ABCC8: variants seen among roughly 807,000 people sequenced by gnomAD.
ABCC8 encodes ATP binding cassette subfamily C member 8, also known as ATP-binding cassette sub-family C member 8.
ABCC8 carries 137 observed loss-of-function variants against 188.0 expected under a neutral mutation model. The ratio of observed to expected loss-of-function variants is 0.73; its 90% CI spans 0.63 to 0.84. The LOEUF (loss-of-function observed/expected upper bound fraction) is 0.84. ABCC8 is among the 40% of genes least tolerant of loss of function. The probability of loss-of-function intolerance (pLI) is 0.00; values close to 1 mark genes in which losing one functional copy is unlikely to be tolerated. For synonymous variants in ABCC8, 797 were observed against 846.5 expected (o/e 0.94, Z 1.01); for missense variants, 1,750 against 2,072.7 (o/e 0.84, Z 3.02).
intron 6 of ABCC8, among the ~76,000 whole-genome samples, chr11:17,455,138 AG>A (rs924905619): frequency 2.0e-5 from 3 of 152,254 alleles, no homozygotes; most frequent in African/African-American, 7.2e-5. Context: ...TTTTGGGGTC[AG>A]AGCAGAAGGA....
chr11:17,451,321 C>T (rs942788571), intron 7 of ABCC8, among the ~76,000 whole-genome samples: 3 of 152,160 alleles, frequency 2.0e-5, no homozygotes, highest in African/African-American at 7.2e-5. Context: ...CAGCTCTGGG[C>T]CCCCATGAGT....
intron 8 of ABCC8, among the ~76,000 whole-genome samples, chr11:17,447,786 C>T (rs1956595550): frequency 1.3e-5 from 2 of 152,162 alleles, no homozygotes; most frequent in Non-Finnish European, 2.9e-5. Flanking sequence ...CAGACAGGGT[C>T]TCACTTTGTT....
intron 3 of ABCC8, among the ~76,000 whole-genome samples, chr11:17,465,030 G>A (rs1201162491): frequency 1.3e-5 from 2 of 152,176 alleles, no homozygotes; most frequent in East Asian, 1.9e-4. Flanking sequence ...CCCACCATGC[G>A]CCCAGGGCTG....
At chr11:17,396,509 T>TGGGCCA (rs1263826562) in intron 33 of ABCC8, 1 of 300,330 alleles carries the variant, frequency 3.3e-6, no homozygotes, top group Non-Finnish European at 6.4e-6. Context: ...AGAGGAGAGC[T>TGGGCCA]GGGCCAGGGC....
chr11:17,465,215 C>T (rs1445146642), intron 3 of ABCC8, among the ~76,000 whole-genome samples: 1 of 152,226 alleles, frequency 6.6e-6, no homozygotes, highest in Non-Finnish European at 1.5e-5. Flanking sequence ...GTCCCCCTGC[C>T]TCCACTCCAC....
chr11:17,476,705 G>T lies in ABCC8; in HGVS notation c.72C>A (p.Asn24Lys), dbSNP rs771075821. 2 of 1,611,566 alleles carry T rather than the reference G, an allele frequency of 1.2e-6. No homozygotes were observed. The highest frequency in any genetic ancestry group is 1.7e-5 in the Admixed American group (1 of 59,836). Reference sequence around the variant, plus strand: ...CGTTGAGCGCGTCCACAAAGCAGCCGTTGTTGAGGACCCCCTGGTCCACCC... The same window carrying T: ...CGTTGAGCGCGTCCACAAAGCAGCCTTTGTTGAGGACCCCCTGGTCCACCC... ...AYRVDQGVLN[N>K]GCFVDALNVV... The change falls in exon 1 of 39, where the codon AAC becomes AAA. Residue 24 changes from asparagine (N) to lysine (K), a missense_variant. Asn to Lys is a moderately conservative substitution (Grantham distance 94). Coordinates refer to ENST00000389817, the MANE Select transcript of ABCC8 (RefSeq NM_000352.6).
chr11:17,456,997 TTA>T (rs1416234334), intron 6 of ABCC8, among the ~76,000 whole-genome samples: 1 of 152,110 alleles, frequency 6.6e-6, no homozygotes, highest in Non-Finnish European at 1.5e-5. Flanking sequence ...TGATAGGATG[TTA>T]TGTGAGCACA....
rs1019860709 is a variant in ABCC8 at position 17,461,917 on chromosome 11, C to T, written c.580-92G>A. 1.4e-5 allele frequency: 22 copies of T among 1,578,252 alleles called. No individual in the cohort carries two copies. In the African/African-American group the frequency reaches 2.6e-4, roughly 18 times the overall value. ...GCAAGGATCTGGGGTTGTGATATTCCACACTTGATCTCTAACAGATGGGGC... is the reference window on the plus strand; with the variant it reads ...GCAAGGATCTGGGGTTGTGATATTCTACACTTGATCTCTAACAGATGGGGC... On this transcript the variant is annotated intron_variant, in intron 4 of 38. Coordinates refer to ENST00000389817, the MANE Select transcript of ABCC8 (RefSeq NM_000352.6).
chr11:17,428,775 T>C, intron 12 of ABCC8, 105 bp from the exon 13 acceptor site: 1 of 1,550,912 alleles, frequency 6.4e-7, no homozygotes, highest in Non-Finnish European at 8.7e-7. Context: ...AGGCCTGAAG[T>C]ATAGTCCCAC....
intron 20 of ABCC8, chr11:17,413,078 C>G (rs1207810622): frequency 8.3e-6 from 5 of 600,352 alleles, no homozygotes; most frequent in Non-Finnish European, 1.4e-5. Context: ...TGGAGGGGAC[C>G]CCATCTGGAG....
Position 17,393,022 on chromosome 11 carries a change from A to G in ABCC8, c.4715T>C (p.Val1572Ala). 1 of 1,614,186 alleles carries G rather than the reference A, an allele frequency of 6.2e-7. No individual in the cohort carries two copies. The highest frequency in any genetic ancestry group is 1.1e-5 in the South Asian group (1 of 91,090). The stretch of plus-strand genomic sequence containing the variant: ...GTCTGCACGGACGAAGGAGGCGAAG[A>G]CGCTGTCCTTCCGGCTGAGCAGCTT... ...PEKLLSRKDS[V>A]FASFVRADK Residue 1572 changes from valine (V) to alanine (A), a missense_variant, in exon 39 of 39, where the codon GTC becomes GCC. Val to Ala is a moderately conservative substitution (Grantham distance 64). Coordinates refer to ENST00000389817, the MANE Select transcript of ABCC8 (RefSeq NM_000352.6).
At chr11:17,420,244 TG>T (rs1436526363) in intron 16 of ABCC8, among the ~76,000 whole-genome samples, 1 of 152,166 alleles carries the variant, frequency 6.6e-6, no homozygotes, top group African/African-American at 2.4e-5. Flanking sequence ...CCTTTCCAAT[TG>T]ATGTCATTGG....
intron 7 of ABCC8, among the ~76,000 whole-genome samples, chr11:17,450,324 T>TC (rs1956744775): frequency 4.6e-4 from 35 of 75,704 alleles, no homozygotes; most frequent in East Asian, 1.8e-3. Context: ...CTTTCTTTCT[T>TC]TCTCTCTCTC....
At chr11:17,432,761 G>A (rs1388759635) in intron 10 of ABCC8, among the ~76,000 whole-genome samples, 1 of 152,180 alleles carries the variant, frequency 6.6e-6, no homozygotes, top group Non-Finnish European at 1.5e-5. Context: ...GTCCCTTAGA[G>A]TCTGTGTGCG....
intron 10 of ABCC8, among the ~76,000 whole-genome samples, chr11:17,442,029 G>C (rs547889058): frequency 6.6e-6 from 1 of 152,084 alleles, no homozygotes; most frequent in Non-Finnish European, 1.5e-5. Flanking sequence ...GCAGTGAGCC[G>C]AGATTTTGCC....
chr11:17,408,518 C>T lies in ABCC8; in HGVS notation c.2695-1G>A. ...TGGTGCCATCCTTCATGGCAATGAT[C>T]TGGAAAGGCAGCAACAAACGTGGTT... On this transcript the variant is annotated splice_acceptor_variant, in intron 22 of 38. Coordinates refer to ENST00000389817, the MANE Select transcript of ABCC8 (RefSeq NM_000352.6). LOFTEE classifies it high-confidence loss of function. The T allele has an allele frequency of 6.2e-7, 1 of 1,609,732 alleles. No homozygotes were observed. Among genetic ancestry groups the T allele is most frequent in the Non-Finnish European group, 8.5e-7 (1 of 1,179,016 alleles).
chr11:17,441,171 T>C (rs1164676999), intron 10 of ABCC8, among the ~76,000 whole-genome samples: 7 of 152,116 alleles, frequency 4.6e-5, no homozygotes, highest in Non-Finnish European at 1.0e-4. Flanking sequence ...AGAGATTTTT[T>C]TTCTCCTAGG....
intron 37 of ABCC8, 73 bp downstream of exon 37, chr11:17,394,193 G>A (rs1297270087): frequency 8.3e-6 from 13 of 1,565,238 alleles, no homozygotes; most frequent in East Asian, 2.3e-5. Flanking sequence ...GGACTACTTC[G>A]TGCAAATTTC....
At chr11:17,423,568 G>C (rs1038563282) in intron 16 of ABCC8, among the ~76,000 whole-genome samples, 1 of 152,142 alleles carries the variant, frequency 6.6e-6, no homozygotes, top group African/African-American at 2.4e-5. Context: ...ATGCTTGAAA[G>C]GGAAGCTGGA....
Sources: allele counts gnomAD v4.1 joint callset (sites outside exome capture counted in the v4.1 genomes callset), GRCh38; gene constraint gnomAD v4.1.1; transcripts MANE v1.5; gene names NCBI Gene and HGNC (gene_info 2026-07-23, HGNC 2026-07-21).